Variants in NRXN3 observed in about 807,000 individuals in gnomAD.
The protein encoded by NRXN3 is neurexin 3.
Under a neutral mutation model 137.6 loss-of-function variants are expected in NRXN3, and 32 were observed. The ratio of observed to expected loss-of-function variants is 0.23; its 90% CI spans 0.18 to 0.31. NRXN3 has a LOEUF of 0.31. NRXN3 is among the 10% of genes least tolerant of loss of function. The pLI is 1.00. For synonymous variants in NRXN3, 798 were observed against 784.5 expected (o/e 1.02, Z -0.29); for missense variants, 1,574 against 2,062.5 (o/e 0.76, Z 4.59).
chr14:78,871,270 C>T (rs374348566), intron 10 of NRXN3, among the ~76,000 whole-genome samples: 11 of 151,626 alleles, frequency 7.3e-5, no homozygotes, highest in Middle Eastern at 3.4e-3. Context: ...GGTGAGATGA[C>T]GTCTTATCGT....
chr14:79,002,553 C>T (rs1226914544), intron 15 of NRXN3, among the ~76,000 whole-genome samples: 1 of 152,122 alleles, frequency 6.6e-6, no homozygotes, highest in Non-Finnish European at 1.5e-5. Context: ...TGATCTCATT[C>T]CTTTTTATGG....
intron 14 of NRXN3, among the ~76,000 whole-genome samples, chr14:78,975,164 A>G (rs2099460309): frequency 6.6e-6 from 1 of 152,190 alleles, no homozygotes; most frequent in African/African-American, 2.4e-5. Context: ...AATTCCACAG[A>G]TGATCAGCCA....
intron 10 of NRXN3, among the ~76,000 whole-genome samples, chr14:78,895,893 G>A (rs2099172641): frequency 6.6e-6 from 1 of 151,788 alleles, no homozygotes; most frequent in Admixed American, 6.6e-5. Context: ...TTATTAAGTT[G>A]GCCATCTTAT....
chr14:78,946,335 G>A (rs74761158), intron 10 of NRXN3, among the ~76,000 whole-genome samples: 2,987 of 152,280 alleles, frequency 0.02, 62 homozygotes, highest in South Asian at 0.085. Context: ...CCTCCATGAA[G>A]AATGTGAAGA....
At chr14:78,725,607 G>A (rs1454404614) in intron 8 of NRXN3, among the ~76,000 whole-genome samples, 2 of 152,208 alleles carry the variant, frequency 1.3e-5, no homozygotes, top group African/African-American at 2.4e-5. Context: ...TATATTGAGA[G>A]TAGAGGTAGA....
intron 15 of NRXN3, among the ~76,000 whole-genome samples, chr14:79,225,423 GT>G (rs1428986660): frequency 1.3e-5 from 2 of 152,046 alleles, no homozygotes; most frequent in African/African-American, 4.8e-5. Flanking sequence ...TTTCTACTCC[GT>G]CTTTCTCGAT....
At chr14:79,253,533 A>C (rs78950107) in intron 15 of NRXN3, among the ~76,000 whole-genome samples, 3,826 of 152,238 alleles carry the variant, frequency 0.025, 84 homozygotes, top group Non-Finnish European at 0.034. Context: ...TTATATTGCT[A>C]CTCTTATTCT....
At chr14:78,519,297 G>A (rs561124189) in intron 4 of NRXN3, among the ~76,000 whole-genome samples, 1 of 152,172 alleles carries the variant, frequency 6.6e-6, no homozygotes, top group East Asian at 1.9e-4. Context: ...AGGAGAACTT[G>A]GGCTCTGATA....
intron 15 of NRXN3, among the ~76,000 whole-genome samples, chr14:79,025,313 C>A (rs965611074): frequency 6.6e-6 from 1 of 152,184 alleles, no homozygotes; most frequent in African/African-American, 2.4e-5. Context: ...TGACACAAGG[C>A]TGCCATCTTA....
intron 10 of NRXN3, among the ~76,000 whole-genome samples, chr14:78,888,093 T>C (rs1448345323): frequency 6.6e-6 from 1 of 152,124 alleles, no homozygotes; most frequent in Non-Finnish European, 1.5e-5. Flanking sequence ...AAGCCAGATA[T>C]GCACTGACAT....
intron 15 of NRXN3, among the ~76,000 whole-genome samples, chr14:79,437,142 A>G (rs1030945849): frequency 7.3e-5 from 11 of 151,500 alleles, no homozygotes; most frequent in African/African-American, 2.4e-4. Flanking sequence ...CCCCACCCAC[A>G]CCTCTACCCC....
At chr14:78,973,006 C>T (rs909706755) in intron 14 of NRXN3, 2 of 152,132 alleles carry the variant, frequency 1.3e-5, no homozygotes, top group Non-Finnish European at 2.9e-5. Context: ...GCTGTCACAC[C>T]TCTTGGACAG....
intron 1 of NRXN3, among the ~76,000 whole-genome samples, chr14:78,174,767 G>A (rs2059102062): frequency 6.6e-6 from 1 of 152,166 alleles, no homozygotes; most frequent in African/African-American, 2.4e-5. Context: ...GGAGGGTAGA[G>A]GGGAAGAAAC....
chr14:78,489,178 G>A (rs1424032727), intron 4 of NRXN3, among the ~76,000 whole-genome samples: 4 of 152,274 alleles, frequency 2.6e-5, no homozygotes, highest in East Asian at 1.9e-4. Flanking sequence ...CTCCAGGGAC[G>A]CTGATGACTT....
intron 16 of NRXN3, among the ~76,000 whole-genome samples, chr14:79,658,465 T>C (rs185821620): frequency 7.9e-5 from 12 of 152,286 alleles, no homozygotes; most frequent in East Asian, 5.8e-4. Flanking sequence ...CTGGGTGCAG[T>C]GGTTGACAAC....
chr14:78,317,158 T>G (rs2078801522), intron 4 of NRXN3, among the ~76,000 whole-genome samples: 1 of 152,200 alleles, frequency 6.6e-6, no homozygotes, highest in Non-Finnish European at 1.5e-5. Context: ...AGAAGACTGA[T>G]GTCCCAGTGT....
intron 15 of NRXN3, among the ~76,000 whole-genome samples, chr14:79,037,949 T>C (rs1319609209): frequency 2.0e-5 from 3 of 152,198 alleles, no homozygotes; most frequent in South Asian, 2.1e-4. Flanking sequence ...TAGTGAAATA[T>C]CAGGTTAGGC....
intron 4 of NRXN3, among the ~76,000 whole-genome samples, chr14:78,531,419 C>G (rs1216224451): frequency 6.6e-6 from 1 of 152,226 alleles, no homozygotes; most frequent in Non-Finnish European, 1.5e-5. Flanking sequence ...ATTGCTACAA[C>G]TAATGTTGCT....
chr14:79,358,607 G>GAGAAGGAAAGAAAGAAAGAAAGAAAGAA (rs796107012), intron 15 of NRXN3, among the ~76,000 whole-genome samples: 1 of 79,944 alleles, frequency 1.3e-5, no homozygotes, highest in African/African-American at 4.2e-5. Flanking sequence ...AAGAAAGAAA[G>GAGAAGGAAAGAAAGAAAGAAAGAAAGAA]AGAAAGAAAG....
Sources: allele counts gnomAD v4.1 joint callset (sites outside exome capture counted in the v4.1 genomes callset), GRCh38; gene constraint gnomAD v4.1.1; transcripts MANE v1.5; gene names NCBI Gene and HGNC (gene_info 2026-07-23, HGNC 2026-07-21).